Variants in MAP3K13 observed in about 807,000 individuals in gnomAD.
The protein encoded by MAP3K13 is leucine zipper-bearing kinase.
MAP3K13 carries 52 observed loss-of-function variants against 104.0 expected under a neutral mutation model. The observed-to-expected ratio is 0.50, with a 90% confidence interval of 0.40 to 0.63. MAP3K13 has a LOEUF of 0.63. Among genes scored for constraint, MAP3K13 ranks in the 20% least tolerant of loss-of-function variants. MAP3K13 has a pLI of 0.00. For missense variants in MAP3K13, 914 were observed against 1,218.5 expected (o/e 0.75, Z 3.72); for synonymous variants, 394 against 442.2 (o/e 0.89, Z 1.37).
In MAP3K13 at chr3:185,428,797, A is replaced by G; in HGVS notation, c.216A>G (p.Val72=). 6.2e-7 allele frequency: 1 copy of G among 1,614,158 alleles called. No homozygotes were observed. Among genetic ancestry groups the G allele is most frequent in the Non-Finnish European group, 8.5e-7 (1 of 1,180,020 alleles). The part of the protein sequence containing the change: ...SPVTTTVLTS[V]SEDSRDQFEN... ...TCACCACAACAGTGTTGACGAGCGT[A>G]AGTGAGGATTCCAGGGACCAGTTTG... The change falls in exon 2 of 14, where the codon GTA becomes GTG. Residue 72 remains valine (V), a synonymous_variant. Transcript: ENST00000265026.
intron 8 of MAP3K13, among the ~76,000 whole-genome samples, chr3:185,465,443 A>G (rs879480646): frequency 6.6e-6 from 1 of 152,234 alleles, no homozygotes; most frequent in Non-Finnish European, 1.5e-5. Context: ...TTCCATTAAC[A>G]TATGAGTCTA....
rs138645667 is a variant in MAP3K13 at position 185,473,113 on chromosome 3, T to C, written c.1782T>C (p.Asn594=). 4.3e-6 allele frequency: 7 copies of C among 1,614,158 alleles called. No individual in the cohort carries two copies. Among genetic ancestry groups the C allele is most frequent in the Non-Finnish European group, 5.1e-6 (6 of 1,180,040 alleles). ...YRSKPRHRRG[N]SRGSHSDFAA... is the part of the protein sequence containing the mutation. The stretch of plus-strand genomic sequence containing the variant: ...GCAAACCACGCCACCGCCGAGGGAA[T>C]AGCAGAGGCAGCCATAGTGACTTTG... Residue 594 remains asparagine (N), a synonymous_variant, in exon 11 of 14, where the codon AAT becomes AAC. Coordinates refer to ENST00000265026, the MANE Select transcript of MAP3K13 (RefSeq NM_004721.5). The surrounding 1 kb of genome is among the most constrained non-coding windows in gnomAD (Gnocchi z 4.9).
At chr3:185,454,832 C>T (rs182675101) in intron 7 of MAP3K13, among the ~76,000 whole-genome samples, 24 of 60,268 alleles carry the variant, frequency 4.0e-4, no homozygotes, top group South Asian at 1.4e-3. Context: ...GAGATATATA[C>T]ATGATATATA....
At chr3:185,411,584 A>C (rs1040259693) in intron 1 of MAP3K13, among the ~76,000 whole-genome samples, 56 of 152,228 alleles carry the variant, frequency 3.7e-4, no homozygotes, top group Non-Finnish European at 1.3e-4. Context: ...ATAATAAAAC[A>C]ATCATTAGCA....
At chr3:185,420,166 T>G (rs1479675729) in intron 1 of MAP3K13, among the ~76,000 whole-genome samples, 1 of 151,540 alleles carries the variant, frequency 6.6e-6, no homozygotes, top group African/African-American at 2.4e-5. Context: ...ATAAAGAAGA[T>G]GAAAAGAGGT....
chr3:185,324,862 A>G (rs1412197343), intron 2 of MAP3K13, among the ~76,000 whole-genome samples: 2 of 152,124 alleles, frequency 1.3e-5, no homozygotes, highest in Non-Finnish European at 2.9e-5. Context: ...TTAGAGTTTG[A>G]CAAGATTGGG....
chr3:185,473,551 TGGGTCCTTAGAC>T lies in MAP3K13; in HGVS notation c.2221_2232del (p.Gly741_Asp744del). Reference sequence around the variant, plus strand: ...GCCTTCAGTGCAGGCCAGAACAGTATGGGTCCTTAGACATACCCTCTGCTGAGCCAGTGGGGA... The same window carrying T: ...GCCTTCAGTGCAGGCCAGAACAGTATATACCCTCTGCTGAGCCAGTGGGGA... On this transcript the variant is annotated inframe_deletion, in exon 11 of 14. Transcript: ENST00000265026. The surrounding 1 kb of genome is among the most constrained non-coding windows in gnomAD (Gnocchi z 4.9). The T allele has an allele frequency of 6.2e-7, 1 of 1,614,186 alleles. No homozygotes were observed. The highest frequency in any genetic ancestry group is 8.5e-7 in the Non-Finnish European group (1 of 1,180,036).
Position 185,292,229 on chromosome 3 carries a change from C to A in MAP3K13, c.-86+6586C>A, listed in dbSNP as rs530651770. The A allele has an allele frequency of 1.2e-4, 19 of 154,966 alleles. No homozygotes were observed. The East Asian group carries it at 3.5e-3, about 28-fold the overall frequency. The allele number at this position is 154,966 out of a possible 1,614,324, so 9.6% of individuals were successfully genotyped here. On this transcript the variant is annotated intron_variant, in intron 2 of 14. Transcript: ENST00000424227. ...CTGAGGCAGGAGAATCACTTGAAACCAGGAGGCGGGGGCTGCAGTGAGCCA... is the reference window on the plus strand; with the variant it reads ...CTGAGGCAGGAGAATCACTTGAAACAAGGAGGCGGGGGCTGCAGTGAGCCA...
At chr3:185,400,478 A>G (rs1365677016) in intron 1 of MAP3K13, among the ~76,000 whole-genome samples, 1 of 152,264 alleles carries the variant, frequency 6.6e-6, no homozygotes, top group African/African-American at 2.4e-5. Flanking sequence ...ATTGCTTAAC[A>G]CAGATGATTA....
intron 2 of MAP3K13, among the ~76,000 whole-genome samples, chr3:185,338,327 CAAAA>C (rs72043151): frequency 1.8e-5 from 1 of 54,710 alleles, no homozygotes; most frequent in Admixed American, 2.0e-4. Flanking sequence ...GAGACTCTCT[CAAAA>C]AAAAAAAAAA....
intron 2 of MAP3K13, chr3:185,293,214 T>A (rs1166955393): frequency 5.4e-6 from 1 of 185,700 alleles, no homozygotes; most frequent in Non-Finnish European, 1.0e-5. Context: ...GCCTCCTGGG[T>A]TCAAGCGATT....
chr3:185,413,249 C>A (rs904052294), intron 1 of MAP3K13, among the ~76,000 whole-genome samples: 5 of 152,072 alleles, frequency 3.3e-5, no homozygotes, highest in Non-Finnish European at 7.4e-5. Flanking sequence ...ACGAAGGGAG[C>A]CACAATGTTG....
intron 9 of MAP3K13, among the ~76,000 whole-genome samples, chr3:185,466,118 CAAG>C (rs879853881): frequency 6.6e-6 from 1 of 152,196 alleles, no homozygotes; most frequent in African/African-American, 2.4e-5. Flanking sequence ...GTCCCCATTT[CAAG>C]AAGAGCACGG....
intron 1 of MAP3K13, among the ~76,000 whole-genome samples, chr3:185,415,794 G>A (rs892364207): frequency 2.0e-5 from 3 of 151,826 alleles, no homozygotes; most frequent in Admixed American, 6.6e-5. Flanking sequence ...TGTTGGTCAG[G>A]CTGGTCTCAA....
At chr3:185,370,035 G>T (rs1724078202) in intron 1 of MAP3K13, among the ~76,000 whole-genome samples, 2 of 152,098 alleles carry the variant, frequency 1.3e-5, no homozygotes, top group African/African-American at 4.8e-5. Flanking sequence ...CATGAGAGAT[G>T]AAAAAATTGT....
chr3:185,430,993 C>T lies in MAP3K13; in HGVS notation c.475+1937C>T, dbSNP rs868167455. ...CAAGAAACAGGATCATGGCAGAAGG[C>T]GAAGGGGAAGCAAGAAGGTCTTACC... On this transcript the variant is annotated intron_variant, in intron 2 of 13. Transcript: ENST00000265026. Among the ~76,000 whole-genome samples the T allele has an allele frequency of 9.2e-5, 14 of 152,088 alleles. No individual in the cohort carries two copies. In the South Asian group the frequency reaches 2.5e-3, roughly 27 times the overall value.
intron 2 of MAP3K13, among the ~76,000 whole-genome samples, chr3:185,432,185 CTTTTT>C (rs11407161): frequency 2.2e-5 from 2 of 90,110 alleles, no homozygotes; most frequent in South Asian, 4.2e-4. Flanking sequence ...TTTCTAATTG[CTTTTT>C]TTTTTTTTTT....
intron 11 of MAP3K13, chr3:185,476,693 G>A (rs571678405): frequency 6.5e-6 from 1 of 152,722 alleles, no homozygotes; most frequent in African/African-American, 2.4e-5. Context: ...CTCCCTTATT[G>A]CTGCCAACAT....
chr3:185,388,320 G>A (rs943075321), intron 1 of MAP3K13, among the ~76,000 whole-genome samples: 2 of 151,992 alleles, frequency 1.3e-5, no homozygotes, highest in Non-Finnish European at 1.5e-5. Flanking sequence ...TGGGAAACGA[G>A]GCAAAATTTT....
Sources: allele counts gnomAD v4.1 joint callset (sites outside exome capture counted in the v4.1 genomes callset), GRCh38; gene constraint gnomAD v4.1.1; non-coding constraint Gnocchi (gnomAD v3.1); transcripts MANE v1.5; gene names NCBI Gene and HGNC (gene_info 2026-07-23, HGNC 2026-07-21).